CAST: variants seen among roughly 807,000 people sequenced by gnomAD.
CAST encodes MIR583 host.
A neutral mutation model predicts 119.6 loss-of-function variants in CAST; 76 were observed. The observed-to-expected ratio is 0.64, with a 90% CI of 0.53 to 0.77. CAST has a LOEUF of 0.77. Ranked by LOEUF, CAST falls within the 30% of genes least tolerant of loss-of-function variation. CAST has a pLI of 0.00. For missense variants in CAST, 953 were observed against 946.5 expected, an observed-to-expected ratio of 1.01 and a Z score of -0.09; for synonymous variants, 319 against 331.6, an observed-to-expected ratio of 0.96 and a Z score of 0.41.
the CAST span, among the ~76,000 whole-genome samples, chr5:96,493,744 TA>T: frequency 4.6e-5 from 7 of 152,182 alleles, no homozygotes; most frequent in African/African-American, 1.7e-4. Flanking sequence ...CAGCAGTGCC[TA>T]AACTTATTTT....
At chr5:96,339,075 A>G in the CAST span, among the ~76,000 whole-genome samples, 2 of 152,220 alleles carry the variant, frequency 1.3e-5, no homozygotes, top group Admixed American at 1.3e-4. Context: ...AATATGTGCT[A>G]ACATAATGAG....
the CAST span, among the ~76,000 whole-genome samples, chr5:96,222,334 G>C: frequency 1.3e-5 from 2 of 152,074 alleles, no homozygotes; most frequent in African/African-American, 4.8e-5. Context: ...CCTGTTGAAT[G>C]GGAGAAAATA....
the CAST span, among the ~76,000 whole-genome samples, chr5:96,339,754 G>A: frequency 1.3e-5 from 2 of 152,166 alleles, no homozygotes; most frequent in Non-Finnish European, 2.9e-5. Context: ...GTCCTGCTGA[G>A]GACAGGAACT....
At chr5:96,161,977 T>C in the CAST span, among the ~76,000 whole-genome samples, 102 of 152,372 alleles carry the variant, frequency 6.7e-4, 1 homozygote, top group African/African-American at 2.4e-3. Context: ...TCCTGCAATC[T>C]ACTAAACTTA....
the CAST span, among the ~76,000 whole-genome samples, chr5:96,115,910 T>G: frequency 6.6e-6 from 1 of 151,646 alleles, no homozygotes; most frequent in Non-Finnish European, 1.5e-5. Context: ...CTTCCTGACA[T>G]GGTCATTTCT....
chr5:96,524,936 T>C (rs1282654404), upstream of CAST, among the ~76,000 whole-genome samples: 1 of 152,230 alleles, frequency 6.6e-6, no homozygotes, highest in Non-Finnish European at 1.5e-5. Context: ...CCTAGCTCTG[T>C]TGTCTCTGAG....
chr5:95,968,269 C>T, the CAST span, among the ~76,000 whole-genome samples: 2 of 152,114 alleles, frequency 1.3e-5, no homozygotes, highest in Non-Finnish European at 2.9e-5. Flanking sequence ...ATAAAATGAT[C>T]CATTCAGCTT....
intron 1 of CAST, among the ~76,000 whole-genome samples, chr5:96,561,954 G>T (rs1375165309): frequency 2.7e-5 from 4 of 149,044 alleles, no homozygotes; most frequent in African/African-American, 7.4e-5. Context: ...TACCACGCCC[G>T]GCTAATTTTT....
intron 2 of CAST, 144 bp downstream of exon 2, chr5:96,675,745 A>G (rs1394497804): frequency 6.7e-6 from 4 of 595,640 alleles, no homozygotes; most frequent in African/African-American, 3.8e-5. Flanking sequence ...TTGGTTCAAG[A>G]ATATAAAAGG....
chr5:96,299,370 A>C, the CAST span, among the ~76,000 whole-genome samples: 1 of 152,222 alleles, frequency 6.6e-6, no homozygotes, highest in Non-Finnish European at 1.5e-5. Context: ...AAAGAAGGCA[A>C]TAGAAAAAGA....
the CAST span, among the ~76,000 whole-genome samples, chr5:96,462,335 G>C: frequency 1.3e-5 from 2 of 151,252 alleles, no homozygotes; most frequent in Admixed American, 1.3e-4. Context: ...AAATATTGTG[G>C]AGATCTTGTA....
At chr5:95,997,038 A>T in the CAST span, among the ~76,000 whole-genome samples, 2 of 152,178 alleles carry the variant, frequency 1.3e-5, no homozygotes, top group Admixed American at 6.5e-5. Flanking sequence ...CAAAAATTTC[A>T]GAATGCTTTG....
chr5:96,203,453 T>C, the CAST span, among the ~76,000 whole-genome samples: 2 of 151,988 alleles, frequency 1.3e-5, no homozygotes, highest in Admixed American at 1.3e-4. Context: ...ATTGAAAGGG[T>C]TACAAAAATA....
the CAST span, among the ~76,000 whole-genome samples, chr5:96,405,961 T>G: frequency 1.3e-5 from 2 of 152,184 alleles, no homozygotes; most frequent in Admixed American, 6.5e-5. Context: ...AACAGCTCCC[T>G]GGGGTAGTAG....
intron 1 of CAST, among the ~76,000 whole-genome samples, chr5:96,560,469 C>T (rs1456136970): frequency 6.6e-6 from 1 of 152,044 alleles, no homozygotes; most frequent in Non-Finnish European, 1.5e-5. Context: ...TGACAAAGGG[C>T]TAATATCCAG....
At chr5:96,241,308 C>T in the CAST span, among the ~76,000 whole-genome samples, 32 of 149,158 alleles carry the variant, frequency 2.1e-4, no homozygotes, top group South Asian at 8.5e-4. Context: ...TGAGAATATG[C>T]GGTGTTTGGT....
At chr5:96,633,121 G>A (rs190698557) in intron 1 of CAST, among the ~76,000 whole-genome samples, 12 of 152,066 alleles carry the variant, frequency 7.9e-5, no homozygotes, top group East Asian at 1.9e-4. Context: ...ACAGGTGCCC[G>A]CCACCATGCC....
chr5:96,574,747 G>A (rs890081840), intron 1 of CAST, among the ~76,000 whole-genome samples: 8 of 152,042 alleles, frequency 5.3e-5, no homozygotes, highest in Non-Finnish European at 1.2e-4. Flanking sequence ...CATCTTTTTG[G>A]ATATGGATGT....
At chr5:95,962,622 C>G in the CAST span, among the ~76,000 whole-genome samples, 1 of 152,116 alleles carries the variant, frequency 6.6e-6, no homozygotes, top group Non-Finnish European at 1.5e-5. Flanking sequence ...AAATGCCTTT[C>G]GTATGGTGGG....
Sources: gnomAD v4.1 joint callset for allele counts (sites outside exome capture counted in the v4.1 genomes callset) on GRCh38, gnomAD v4.1.1 for gene constraint, MANE v1.5 for transcripts, NCBI Gene and HGNC (gene_info 2026-07-23, HGNC 2026-07-21) for gene names.